The following GRM7 variants were observed in gnomAD, a reference collection of about 807,000 sequenced individuals.
The protein encoded by GRM7 is metabotropic glutamate receptor 7.
Under a neutral mutation model 84.5 loss-of-function variants are expected in GRM7, and 35 were observed. The observed-to-expected ratio is 0.41, with a 90% CI of 0.32 to 0.55. The LOEUF (loss-of-function observed/expected upper bound fraction) is 0.55, where lower values mean the gene tolerates loss of function less well. Ranked by LOEUF, GRM7 falls within the 20% of genes least tolerant of loss-of-function variation. The probability of loss-of-function intolerance (pLI) is 0.19; values close to 1 mark genes in which losing one functional copy is unlikely to be tolerated. For synonymous variants in GRM7, 487 were observed against 455.1 expected, an observed-to-expected ratio of 1.07 and a Z score of -0.89; for missense variants, 1,003 against 1,194.6, an observed-to-expected ratio of 0.84 and a Z score of 2.36.
At chr3:7,223,146 G>T (rs900741620) in intron 2 of GRM7, among the ~76,000 whole-genome samples, 4 of 151,916 alleles carry the variant, frequency 2.6e-5, no homozygotes, top group Admixed American at 1.3e-4. Context: ...CAATTATTTA[G>T]TAAGATCTTT....
intron 1 of GRM7, among the ~76,000 whole-genome samples, chr3:7,122,788 A>G (rs1693268271): frequency 1.3e-5 from 2 of 152,246 alleles, no homozygotes; most frequent in Admixed American, 6.5e-5. Context: ...GATACCTCCC[A>G]TCAGACACAA....
At chr3:7,043,023 C>T (rs1391763507) in intron 1 of GRM7, among the ~76,000 whole-genome samples, 1 of 152,136 alleles carries the variant, frequency 6.6e-6, no homozygotes, top group Non-Finnish European at 1.5e-5. Context: ...CTAAGTTTTG[C>T]TCCACTTCTG....
At chr3:6,999,374 TGTCTTCTGA>T (rs1350678247) in intron 1 of GRM7, among the ~76,000 whole-genome samples, 8 of 152,174 alleles carry the variant, frequency 5.3e-5, no homozygotes, top group African/African-American at 1.9e-4. Flanking sequence ...CACATCTTCC[TGTCTTCTGA>T]GCCTTCCAAG....
chr3:7,554,922 C>T (rs1166328361), intron 7 of GRM7, among the ~76,000 whole-genome samples: 1 of 152,162 alleles, frequency 6.6e-6, no homozygotes, highest in Admixed American at 6.5e-5. Flanking sequence ...TTGCCTCCTG[C>T]CCCAAGGGAG....
intron 2 of GRM7, among the ~76,000 whole-genome samples, chr3:7,222,294 G>A (rs1025425137): frequency 1.2e-4 from 19 of 152,004 alleles, no homozygotes; most frequent in Non-Finnish European, 2.6e-4. Flanking sequence ...CTAGATTAAG[G>A]TAGTGCTGTG....
At chr3:7,092,569 A>T (rs1040052577) in intron 1 of GRM7, among the ~76,000 whole-genome samples, 1 of 144,868 alleles carries the variant, frequency 6.9e-6, no homozygotes, top group Non-Finnish European at 1.5e-5. Context: ...CTTTATGTTG[A>T]TGTTTTCAGC....
Position 7,038,447 on chromosome 3 carries a change from T to A in GRM7, c.520-108005T>A, listed in dbSNP as rs530542510. Among the ~76,000 whole-genome samples the A allele has an allele frequency of 5.9e-5, 9 of 152,310 alleles. 1 individual carries two copies. In the South Asian group the frequency reaches 1.9e-3, roughly 32 times the overall value. ...AACTCAGGCAGATTTTATCAACAGA[T>A]GAGAGACAGCAAAGGCAGAGTTCAT... On this transcript the variant is annotated intron_variant, in intron 1 of 9. Coordinates refer to ENST00000357716, the MANE Select transcript of GRM7 (RefSeq NM_000844.4).
intron 1 of GRM7, among the ~76,000 whole-genome samples, chr3:7,067,614 C>T (rs1386209404): frequency 6.6e-6 from 1 of 151,920 alleles, no homozygotes; most frequent in Non-Finnish European, 1.5e-5. Flanking sequence ...TGTTGGCAGG[C>T]AGCCGAGAGT....
Position 7,431,414 on chromosome 3 carries a change from A to G in GRM7, c.1174+16251A>G, listed in dbSNP as rs1459314514. On this transcript the variant is annotated intron_variant, in intron 5 of 9. Coordinates refer to ENST00000357716, the MANE Select transcript of GRM7 (RefSeq NM_000844.4). ...GCAATAGTTCCTTCTTAGTGGGGGG[A>G]GATTTCTGGGGGATGAAATATTCTT... 2.6e-5 allele frequency among the ~76,000 whole-genome samples: 4 copies of G among 152,126 alleles called. No homozygotes were observed. The East Asian group carries it at 7.7e-4, about 29-fold the overall frequency.
rs796767040 is a variant in GRM7 at position 6,927,463 on chromosome 3, G to GAGAAAGAAAGAA, written c.519+65601_519+65612dup. Among the ~76,000 whole-genome samples the GAGAAAGAAAGAA allele has an allele frequency of 5.7e-3, 536 of 93,252 alleles. 2 individuals carry two copies. Among genetic ancestry groups the GAGAAAGAAAGAA allele is most frequent in the Non-Finnish European group, 1.0e-2 (387 of 38,768 alleles). 61.2% of individuals were successfully genotyped at this position (93,252 alleles called of 152,430 possible). On this transcript the variant is annotated intron_variant, in intron 1 of 9. Transcript: ENST00000357716. Reference sequence around the variant, plus strand: ...AAGAAAGAGAAGAAAGAAAGAGAGAGAGAAAGAAAGAAAGAAAGAAAGAAA... The same window carrying GAGAAAGAAAGAA: ...AAGAAAGAGAAGAAAGAAAGAGAGAGAGAAAGAAAGAAAGAAAGAAAGAAAGAAAGAAAGAAA...
At chr3:7,080,724 CA>C (rs371608777) in intron 1 of GRM7, among the ~76,000 whole-genome samples, 6,228 of 151,594 alleles carry the variant, frequency 0.041, 132 homozygotes, top group Middle Eastern at 0.1. Flanking sequence ...TGTATACATA[CA>C]TAAATTAAAA....
intron 2 of GRM7, among the ~76,000 whole-genome samples, chr3:7,239,374 G>A (rs9842343): frequency 0.027 from 4,127 of 152,202 alleles, 198 homozygotes; most frequent in African/African-American, 0.093. Flanking sequence ...GAAAGACGGA[G>A]CTGGCCTTAT....
intron 9 of GRM7, among the ~76,000 whole-genome samples, chr3:7,695,118 C>A (rs1700968567): frequency 6.6e-6 from 1 of 152,172 alleles, no homozygotes; most frequent in Non-Finnish European, 1.5e-5. Flanking sequence ...TCTACCATGT[C>A]CCCAAGAAGT....
At chr3:7,125,875 C>T (rs546023469) in intron 1 of GRM7, among the ~76,000 whole-genome samples, 83 of 152,314 alleles carry the variant, frequency 5.4e-4, no homozygotes, top group African/African-American at 1.9e-3. Flanking sequence ...GCTAACTACA[C>T]CATCTCCTGA....
At chr3:7,156,830 A>C (rs543665648) in intron 2 of GRM7, among the ~76,000 whole-genome samples, 1 of 152,036 alleles carries the variant, frequency 6.6e-6, no homozygotes, top group African/African-American at 2.4e-5. Context: ...AATTTTTTTC[A>C]TTGTTGTTTT....
chr3:7,295,002 T>C (rs1014548695), intron 2 of GRM7, among the ~76,000 whole-genome samples: 2 of 152,234 alleles, frequency 1.3e-5, no homozygotes, highest in East Asian at 1.9e-4. Context: ...ACAAAAGGTT[T>C]GAATTTTCAT....
chr3:6,968,318 A>T (rs531765846), intron 1 of GRM7, among the ~76,000 whole-genome samples: 2 of 152,274 alleles, frequency 1.3e-5, no homozygotes, highest in East Asian at 3.9e-4. Context: ...TGAGAACACT[A>T]GTCTCATTAG....
At chr3:7,044,244 T>G (rs1574829417) in intron 1 of GRM7, among the ~76,000 whole-genome samples, 1 of 152,160 alleles carries the variant, frequency 6.6e-6, no homozygotes, top group Admixed American at 6.5e-5. Context: ...AAATCACACA[T>G]GCACCTACTG....
At chr3:7,448,152 T>A (rs537216101) in intron 5 of GRM7, among the ~76,000 whole-genome samples, 1 of 152,016 alleles carries the variant, frequency 6.6e-6, no homozygotes, top group South Asian at 2.1e-4. Context: ...TCTATCATTG[T>A]TGGACACTTG....
Sources: allele counts gnomAD v4.1 joint callset (sites outside exome capture counted in the v4.1 genomes callset), GRCh38; gene constraint gnomAD v4.1.1; transcripts MANE v1.5; gene names NCBI Gene and HGNC (gene_info 2026-07-23, HGNC 2026-07-21).